EML4: variants seen among roughly 807,000 people sequenced by gnomAD.
EML4 encodes EMAP like 4.
Under a neutral mutation model 129.0 loss-of-function variants are expected in EML4, and 72 were observed. The ratio of observed to expected loss-of-function variants is 0.56; its 90% CI spans 0.46 to 0.68. EML4 has a LOEUF of 0.68. EML4 is among the 30% of genes least tolerant of loss of function. The probability of loss-of-function intolerance (pLI) is 0.00; values close to 1 mark genes in which losing one functional copy is unlikely to be tolerated. For missense variants in EML4, 1,363 were observed against 1,190.6 expected, an observed-to-expected ratio of 1.14 and a Z score of -2.13; for synonymous variants, 532 against 405.0, an observed-to-expected ratio of 1.31 and a Z score of -3.77.
intron 1 of EML4, among the ~76,000 whole-genome samples, chr2:42,233,763 T>C (rs1447363250): frequency 6.6e-6 from 1 of 152,226 alleles, no homozygotes. Flanking sequence ...GTTTTAAAAA[T>C]CAATGAAAAG....
chr2:42,251,033 A>T (rs187385628), intron 2 of EML4, among the ~76,000 whole-genome samples: 219 of 152,266 alleles, frequency 1.4e-3, no homozygotes, highest in African/African-American at 5.1e-3. Flanking sequence ...ATCTGACAGG[A>T]GGCTGAGCTC....
At chr2:42,254,650 T>G (rs1676004079) in intron 2 of EML4, among the ~76,000 whole-genome samples, 1 of 150,120 alleles carries the variant, frequency 6.7e-6, no homozygotes. Flanking sequence ...AAATAACAAG[T>G]GTTGGCAAGA....
intron 1 of EML4, among the ~76,000 whole-genome samples, chr2:42,177,767 C>T (rs1670690483): frequency 1.3e-5 from 2 of 152,140 alleles, no homozygotes; most frequent in Admixed American, 6.5e-5. Context: ...AAGTCATGTG[C>T]ATGACCTGTT....
Position 42,325,596 on chromosome 2 carries a change from TTATATTTATATATATATATATATA to T in EML4, c.2242+48_2242+71del, listed in dbSNP as rs1293603819. On this transcript the variant is annotated intron_variant, in intron 20 of 22. Coordinates refer to ENST00000318522, the MANE Select transcript of EML4 (RefSeq NM_019063.5). Reference sequence around the variant, plus strand: ...TTATATATATATATATATGCTATGATTATATTTATATATATATATATATATATATATATATATATATATGCTAAG... The same window carrying T: ...TTATATATATATATATATGCTATGATTATATATATATATATATATGCTAAG... 93 of 150,978 alleles carry T rather than the reference TTATATTTATATATATATATATATA, an allele frequency of 6.2e-4. 7 individuals are homozygous for T. The East Asian group carries it at 7.3e-3, about 12-fold the overall frequency. 9.4% of individuals were successfully genotyped at this position (150,978 alleles called of 1,614,324 possible).
At chr2:42,180,079 G>A (rs1670842018) in intron 1 of EML4, among the ~76,000 whole-genome samples, 1 of 152,164 alleles carries the variant, frequency 6.6e-6, no homozygotes, top group African/African-American at 2.4e-5. Flanking sequence ...TTTTCTGTGA[G>A]TTTGGAATCA....
intron 1 of EML4, among the ~76,000 whole-genome samples, chr2:42,207,645 G>T (rs550406720): frequency 6.6e-6 from 1 of 152,156 alleles, no homozygotes; most frequent in East Asian, 1.9e-4. Context: ...TTTCCTGAAC[G>T]TAAGTGGTCT....
intron 3 of EML4, among the ~76,000 whole-genome samples, chr2:42,258,396 G>GATAT (rs10538737): frequency 6.7e-6 from 1 of 149,550 alleles, no homozygotes; most frequent in Non-Finnish European, 1.5e-5. Flanking sequence ...TATTTTTTAA[G>GATAT]ATATATATAT....
chr2:42,299,309 G>A (rs1269084234), intron 13 of EML4, among the ~76,000 whole-genome samples: 1 of 152,146 alleles, frequency 6.6e-6, no homozygotes, highest in Non-Finnish European at 1.5e-5. Flanking sequence ...AGAAATTTTA[G>A]TCAATTTGTT....
chr2:42,281,285 C>T (rs1345327509), intron 7 of EML4, among the ~76,000 whole-genome samples: 1 of 151,194 alleles, frequency 6.6e-6, no homozygotes, highest in Non-Finnish European at 1.5e-5. Context: ...CCCAGCTACT[C>T]GGGAGGCTGA....
intron 9 of EML4, among the ~76,000 whole-genome samples, chr2:42,285,584 A>AC (rs1667250106): frequency 7.8e-6 from 1 of 128,072 alleles, no homozygotes; most frequent in Non-Finnish European, 1.7e-5. Context: ...TCCTGACTCC[A>AC]CCTTTTTTTT....
intron 1 of EML4, among the ~76,000 whole-genome samples, chr2:42,219,140 AT>A (rs1270874546): frequency 6.6e-6 from 1 of 152,198 alleles, no homozygotes; most frequent in Non-Finnish European, 1.5e-5. Flanking sequence ...TAGACCTTTA[AT>A]TGATTAATTG....
At chr2:42,293,742 C>T (rs370909892) in intron 11 of EML4, among the ~76,000 whole-genome samples, 1 of 152,202 alleles carries the variant, frequency 6.6e-6, no homozygotes, top group East Asian at 1.9e-4. Context: ...TCCCAAGTAG[C>T]TGGGATAAAG....
intron 1 of EML4, among the ~76,000 whole-genome samples, chr2:42,244,292 T>G (rs1675239629): frequency 6.6e-6 from 1 of 152,082 alleles, no homozygotes; most frequent in Non-Finnish European, 1.5e-5. Flanking sequence ...AGAGACTGGA[T>G]TTCACCTTGT....
chr2:42,329,547 T>C (rs1669986435), intron 22 of EML4, among the ~76,000 whole-genome samples, 187 bp from the exon 23 acceptor site: 1 of 152,200 alleles, frequency 6.6e-6, no homozygotes, highest in South Asian at 2.1e-4. Flanking sequence ...TCGTTTTTCC[T>C]ATGTAAAGTG....
intron 21 of EML4, among the ~76,000 whole-genome samples, chr2:42,327,624 G>C (rs1277475725): frequency 2.6e-5 from 4 of 152,178 alleles, no homozygotes; most frequent in Admixed American, 6.5e-5. Flanking sequence ...CTGACGTTTT[G>C]TAACTTTCTG....
chr2:42,314,340 T>C (rs1054487165), intron 17 of EML4, among the ~76,000 whole-genome samples: 1 of 151,996 alleles, frequency 6.6e-6, no homozygotes, highest in African/African-American at 2.4e-5. Flanking sequence ...GCCTGGGGGA[T>C]GAAAGCAAGC....
chr2:42,328,817 A>G, intron 21 of EML4, 69 bp from the exon 22 acceptor site: 1 of 1,232,322 alleles, frequency 8.1e-7, no homozygotes, highest in Non-Finnish European at 1.1e-6. Flanking sequence ...AAATAAAATA[A>G]ACATATATAG....
intron 17 of EML4, among the ~76,000 whole-genome samples, chr2:42,315,612 G>T (rs533662330): frequency 6.6e-6 from 1 of 152,312 alleles, no homozygotes; most frequent in South Asian, 2.1e-4. Context: ...AGTGGCACAT[G>T]CCCGTAATCT....
intron 17 of EML4, among the ~76,000 whole-genome samples, chr2:42,311,924 G>T (rs946887168): frequency 1.3e-5 from 2 of 152,080 alleles, no homozygotes; most frequent in African/African-American, 4.8e-5. Flanking sequence ...TGACCAGTCT[G>T]GTTTTGAATT....
Sources: allele counts gnomAD v4.1 joint callset (sites outside exome capture counted in the v4.1 genomes callset), GRCh38; gene constraint gnomAD v4.1.1; transcripts MANE v1.5; gene names NCBI Gene and HGNC (gene_info 2026-07-23, HGNC 2026-07-21).